The following SFTPB variants were observed in gnomAD, a reference collection of about 807,000 sequenced individuals.
The protein encoded by SFTPB is surfactant protein B, also known as pulmonary surfactant-associated protein B.
A neutral mutation model predicts 51.0 loss-of-function variants in SFTPB; 32 were observed. The ratio of observed to expected loss-of-function variants is 0.63; its 90% CI spans 0.47 to 0.84. The LOEUF is 0.84. Ranked by LOEUF, SFTPB falls within the 40% of genes least tolerant of loss-of-function variation. The pLI is 0.00. For missense variants in SFTPB, 431 were observed against 491.2 expected, an observed-to-expected ratio of 0.88 and a Z score of 1.16; for synonymous variants, 211 against 208.5, an observed-to-expected ratio of 1.01 and a Z score of -0.10.
rs899331882 is a variant in SFTPB, at chr2:85,663,408, C to T, written c.940G>A (p.Glu314Lys). 20 of 1,613,846 alleles carry T rather than the reference C, an allele frequency of 1.2e-5. No individual in the cohort carries two copies. The highest frequency in any genetic ancestry group is 5.5e-5 in the South Asian group (5 of 91,094). Residue 314 changes from glutamate to lysine, a missense_variant, in exon 8 of 11, where the codon GAG becomes AAG. Glu to Lys is a moderately conservative substitution (Grantham distance 56, BLOSUM62 1). Transcript: ENST00000519937. ...SVTTQAGNSS[E>K]QAIPQAMLQA... ...AGCATTGCCTGTGGTATGGCCTGCT[C>T]GCTGCTGTTCCCGGCCTGGGTGGTC...
rs1431315488 is a variant in SFTPB at position 85,659,216 on chromosome 2, T to C, written c.*486A>G. ...CTTAACAATTTCTGATGTCTATCTT[T>C]TAGAGTTCTGTATGTTCCCATTTTT... is the stretch of plus-strand genomic sequence containing the variant. On this transcript the variant is annotated 3_prime_UTR_variant, in exon 11 of 11. Coordinates refer to ENST00000519937, the MANE Select transcript of SFTPB (RefSeq NM_000542.5). The C allele has an allele frequency of 6.6e-6, 1 of 152,196 alleles. No individual in the cohort carries two copies. Among genetic ancestry groups the C allele is most frequent in the Non-Finnish European group, 1.5e-5 (1 of 68,044 alleles). The allele number at this position is 152,196 out of a possible 1,614,324, so 9.4% of individuals were successfully genotyped here.
rs45595337 is a variant in SFTPB at position 85,663,730 on chromosome 2, G to A, written c.790C>T (p.Arg264Cys). ...SVILLDTLLGRMLPQLVCRLV... is the reference protein window; with the variant it reads ...SVILLDTLLGCMLPQLVCRLV... ...CGGCAGACCAGCTGGGGCAGCATGCGGCCCAGCAGCGTGTCGAGCAGGATG... is the reference window on the plus strand; with the variant it reads ...CGGCAGACCAGCTGGGGCAGCATGCAGCCCAGCAGCGTGTCGAGCAGGATG... The change falls in exon 7 of 11, where the codon CGC becomes TGC. Residue 264 changes from arginine (R) to cysteine (C), a missense_variant. Arg to Cys is a radical substitution (Grantham distance 180). Coordinates refer to ENST00000519937, the MANE Select transcript of SFTPB (RefSeq NM_000542.5). 8 of 1,611,424 alleles carry A rather than the reference G, an allele frequency of 5.0e-6. No individual in the cohort carries two copies. The Admixed American group carries it at 5.0e-5, about 10-fold the overall frequency.
intron 8 of SFTPB, 54 bp from the exon 9 acceptor site, chr2:85,662,163 G>C: frequency 6.4e-7 from 1 of 1,563,868 alleles, no homozygotes; most frequent in African/African-American, 1.3e-5. Flanking sequence ...CTCTCCTGTC[G>C]TGTGGTCCTG....
intron 5 of SFTPB, 52 bp from the exon 6 acceptor site, chr2:85,665,430 C>G: frequency 6.8e-7 from 1 of 1,481,408 alleles, no homozygotes; most frequent in Non-Finnish European, 9.4e-7. Context: ...GAAGAGTCCT[C>G]CAGGCTCTCC....
rs1360455346 is a variant in SFTPB, at chr2:85,661,523, A to G, written c.1096T>C (p.Cys366Arg). Reference sequence around the variant, plus strand: ...TGGAGAGGGCTGGACATGGTCCCACACACCCCGAGGGCCTGTCACAGGGAC... The same window carrying G: ...TGGAGAGGGCTGGACATGGTCCCACGCACCCCGAGGGCCTGTCACAGGGAC... ...AHTTCQALGV[C>R]GTMSSPLQCI... Residue 366 changes from cysteine (C) to arginine (R), a missense_variant, in exon 10 of 11, where the codon TGT becomes CGT. Coordinates refer to ENST00000519937, the MANE Select transcript of SFTPB (RefSeq NM_000542.5). 1 of 1,611,272 alleles carries G rather than the reference A, an allele frequency of 6.2e-7. No homozygotes were observed. Among genetic ancestry groups the G allele is most frequent in the East Asian group, 2.2e-5 (1 of 44,806 alleles).
At chr2:85,664,097 A>G (rs556610826) in intron 6 of SFTPB, among the ~76,000 whole-genome samples, 1 of 152,278 alleles carries the variant, frequency 6.6e-6, no homozygotes, top group African/African-American at 2.4e-5. Context: ...GCCCACAGCT[A>G]GTGACTCTCA....
chr2:85,666,676 A>C lies in SFTPB; in HGVS notation c.334T>G (p.Cys112Gly), dbSNP rs1224230169. ...AAGTAGTCGTCAAGCACTTGGTTGC[A>C]CTGGGGCATGAGCAGCTTCAAGGGG... is the stretch of plus-strand genomic sequence containing the variant. ...VLPLKLLMPQ[C>G]NQVLDDYFPL... The change falls in exon 4 of 11, where the codon TGC becomes GGC. Residue 112 changes from cysteine to glycine, a missense_variant. Transcript: ENST00000519937. 6 of 1,613,734 alleles carry C rather than the reference A, an allele frequency of 3.7e-6. No individual in the cohort carries two copies. Among genetic ancestry groups the C allele is most frequent in the African/African-American group, 1.3e-5 (1 of 74,830 alleles).
chr2:85,664,550 C>T (rs1054631371), intron 6 of SFTPB, among the ~76,000 whole-genome samples: 3 of 152,156 alleles, frequency 2.0e-5, no homozygotes, highest in African/African-American at 7.2e-5. Context: ...CTGCAACCTC[C>T]GCCTCCTGGG....
At chr2:85,665,583 C>T in intron 5 of SFTPB, 23 bp downstream of exon 5, 1 of 1,612,326 alleles carries the variant, frequency 6.2e-7, no homozygotes, top group Non-Finnish European at 8.5e-7. Flanking sequence ...CTCCACTTTA[C>T]TGGCTGTGGG....
At chr2:85,661,337 A>G (rs1043500345) in intron 10 of SFTPB, 117 bp downstream of exon 10, 2 of 711,598 alleles carry the variant, frequency 2.8e-6, no homozygotes, top group African/African-American at 3.5e-5. Flanking sequence ...GAGAGGGAGG[A>G]TGGAGCAGCC....
intron 8 of SFTPB, among the ~76,000 whole-genome samples, chr2:85,663,123 T>C (rs1474983365): frequency 6.6e-6 from 1 of 152,250 alleles, no homozygotes; most frequent in Admixed American, 6.5e-5. Context: ...GAGGGCCTGC[T>C]GGTCCTCTGG....
rs1677177439 is a variant in SFTPB at position 85,659,261 on chromosome 2, T to C, written c.*441A>G. ...ATTTTTTATTCTTCTGAATTTTGAA[T>C]TGCAAGTAGCTGTAAAATCCAATCT... On this transcript the variant is annotated 3_prime_UTR_variant, in exon 11 of 11. Coordinates refer to ENST00000519937, the MANE Select transcript of SFTPB (RefSeq NM_000542.5). 1.3e-5 allele frequency: 2 copies of C among 152,226 alleles called. No individual in the cohort carries two copies. The highest frequency in any genetic ancestry group is 2.4e-5 in the African/African-American group (1 of 41,462). The allele number at this position is 152,226 out of a possible 1,614,324, so 9.4% of individuals were successfully genotyped here. A position where few individuals can be genotyped will look rare whatever the true frequency, so the allele number is the denominator to read the frequency against.
chr2:85,665,857 C>T (rs566330047), intron 4 of SFTPB, 63 bp from the exon 5 acceptor site: 188 of 1,528,980 alleles, frequency 1.2e-4, no homozygotes, highest in East Asian at 6.1e-4. Context: ...CTATTCAGGC[C>T]GGCCCAAGGG....
In SFTPB at chr2:85,659,140, T is replaced by C; in HGVS notation, c.*562A>G. The C allele has an allele frequency of 6.6e-6, 1 of 152,186 alleles. No individual in the cohort carries two copies. The highest frequency in any genetic ancestry group is 6.5e-5 in the Admixed American group (1 of 15,274). 9.4% of individuals were successfully genotyped at this position (152,186 alleles called of 1,614,324 possible). On this transcript the variant is annotated 3_prime_UTR_variant, in exon 11 of 11. Transcript: ENST00000519937. Reference sequence around the variant, plus strand: ...CATCCCATCATGCCAGAGCGTGCAGTGTCCACCCTTGACTACGCTGGGGAA... The same window carrying C: ...CATCCCATCATGCCAGAGCGTGCAGCGTCCACCCTTGACTACGCTGGGGAA...
At chr2:85,666,816 C>T in intron 3 of SFTPB, 74 bp from the exon 4 acceptor site, 3 of 1,594,792 alleles carry the variant, frequency 1.9e-6, no homozygotes, top group Non-Finnish European at 2.6e-6. Context: ...ACACAAGGCC[C>T]CACCAGGGCA....
At chr2:85,662,510 C>T (rs1677360037) in intron 8 of SFTPB, among the ~76,000 whole-genome samples, 2 of 152,294 alleles carry the variant, frequency 1.3e-5, no homozygotes, top group Middle Eastern at 6.8e-3. Flanking sequence ...GGAAGAGCAT[C>T]AGCTGGCTTT....
intron 10 of SFTPB, among the ~76,000 whole-genome samples, chr2:85,660,444 CTTTTTTTT>C (rs67187198): frequency 1.0e-5 from 1 of 97,464 alleles, no homozygotes. Flanking sequence ...AAAGAAATAC[CTTTTTTTT>C]TTTTTTTTTT....
Position 85,663,485 on chromosome 2 carries a change from G to A in SFTPB, c.863C>T (p.Pro288Leu), listed in dbSNP as rs35076740. Residue 288 changes from proline to leucine, a missense_variant, in exon 8 of 11, where the codon CCG (proline) becomes CTG (leucine). Transcript: ENST00000519937. Reference sequence around the variant, plus strand: ...GTCTCGCGGCAGCCATTCTCCTGTCGGCGACCCTGGAGATGTGAGCATTAG... The same window carrying A: ...GTCTCGCGGCAGCCATTCTCCTGTCAGCGACCCTGGAGATGTGAGCATTAG... The part of the protein sequence containing the change: ...SMDDSAGPRS[P>L]TGEWLPRDSE... The A allele has an allele frequency of 3.8e-5, 62 of 1,613,778 alleles. No individual in the cohort carries two copies. The African/African-American group carries it at 6.4e-4, about 17-fold the overall frequency.
chr2:85,663,654 G>A lies in SFTPB; in HGVS notation c.856+10C>T, dbSNP rs1403039057. 1 of 1,609,336 alleles carries A rather than the reference G, an allele frequency of 6.2e-7. No homozygotes were observed. Among genetic ancestry groups the A allele is most frequent in the Non-Finnish European group, 8.5e-7 (1 of 1,178,114 alleles). ...CAGGCATTGGGCTAAGGAGTGGGCA[G>A]TGGGCTCACTTGGGCCAGCGCTGTC... On this transcript the variant is annotated intron_variant, in intron 7 of 10. Coordinates refer to ENST00000519937, the MANE Select transcript of SFTPB (RefSeq NM_000542.5).
Sources: allele counts gnomAD v4.1 joint callset (sites outside exome capture counted in the v4.1 genomes callset), GRCh38; gene constraint gnomAD v4.1.1; transcripts MANE v1.5; gene names NCBI Gene and HGNC (gene_info 2026-07-23, HGNC 2026-07-21).